The following LINGO2 variants were observed in gnomAD, a reference collection of about 807,000 sequenced individuals.
The protein encoded by LINGO2 is leucine rich repeat and Ig domain containing 2.
Under a neutral mutation model 30.6 loss-of-function variants are expected in LINGO2, and 14 were observed. The ratio of observed to expected loss-of-function variants is 0.46; its 90% CI spans 0.30 to 0.72. The LOEUF (loss-of-function observed/expected upper bound fraction) is 0.72. Among genes scored for constraint, LINGO2 ranks in the 30% least tolerant of loss-of-function variants. The probability of loss-of-function intolerance (pLI) is 0.07; values close to 1 mark genes in which losing one functional copy is unlikely to be tolerated. For missense variants in LINGO2, 729 were observed against 751.7 expected, an observed-to-expected ratio of 0.97 and a Z score of 0.35; for synonymous variants, 317 against 288.5, an observed-to-expected ratio of 1.10 and a Z score of -1.00.
the LINGO2 span, among the ~76,000 whole-genome samples, chr9:28,953,023 A>G: frequency 6.6e-6 from 1 of 152,204 alleles, no homozygotes; most frequent in Non-Finnish European, 1.5e-5. Flanking sequence ...TTTACTGGGT[A>G]TAGAAATTAC....
intron 4 of LINGO2, among the ~76,000 whole-genome samples, chr9:28,139,133 G>C (rs1007113267): frequency 1.3e-5 from 2 of 152,170 alleles, no homozygotes; most frequent in African/African-American, 4.8e-5. Context: ...AGTGAAGAGA[G>C]AGAGCCACAG....
intron 2 of LINGO2, among the ~76,000 whole-genome samples, chr9:28,379,759 A>C (rs1167675817): frequency 6.6e-6 from 1 of 152,142 alleles, no homozygotes; most frequent in Non-Finnish European, 1.5e-5. Context: ...TTAGTTGAAG[A>C]TACCACATTT....
chr9:29,044,297 T>A, the LINGO2 span, among the ~76,000 whole-genome samples: 2 of 152,006 alleles, frequency 1.3e-5, no homozygotes, highest in Admixed American at 6.6e-5. Context: ...GGTACAGGCA[T>A]AAACTCCAGA....
intron 1 of LINGO2, among the ~76,000 whole-genome samples, chr9:28,642,482 C>G (rs1827638347): frequency 6.6e-6 from 1 of 152,066 alleles, no homozygotes. Context: ...TTGAAACAAG[C>G]ATGACAATTA....
the LINGO2 span, among the ~76,000 whole-genome samples, chr9:28,749,297 G>A: frequency 6.6e-5 from 10 of 151,860 alleles, no homozygotes; most frequent in African/African-American, 2.4e-4. Flanking sequence ...CTTTTACATT[G>A]TATCTTATGA....
the LINGO2 span, among the ~76,000 whole-genome samples, chr9:29,006,633 TC>T: frequency 2.6e-5 from 4 of 152,094 alleles, no homozygotes; most frequent in South Asian, 8.3e-4. Flanking sequence ...TCAGTTGTTT[TC>T]CTTTTTTCTT....
chr9:27,999,332 A>C (rs1821825460), intron 5 of LINGO2, among the ~76,000 whole-genome samples: 1 of 152,110 alleles, frequency 6.6e-6, no homozygotes, highest in Non-Finnish European at 1.5e-5. Context: ...GGTGGAAAAG[A>C]GAAAGATATG....
the LINGO2 span, among the ~76,000 whole-genome samples, chr9:28,745,776 G>A: frequency 1.3e-5 from 2 of 151,964 alleles, no homozygotes; most frequent in African/African-American, 4.8e-5. Context: ...GAAGGTAAGA[G>A]AATATGGCTT....
At chr9:28,223,320 A>G (rs536674906) in intron 4 of LINGO2, among the ~76,000 whole-genome samples, 1 of 152,234 alleles carries the variant, frequency 6.6e-6, no homozygotes, top group Non-Finnish European at 1.5e-5. Flanking sequence ...CATCCTCTGG[A>G]GGGGAGGAAT....
chr9:27,976,477 T>C (rs551857915), intron 5 of LINGO2, among the ~76,000 whole-genome samples: 1 of 152,196 alleles, frequency 6.6e-6, no homozygotes, highest in East Asian at 1.9e-4. Context: ...AATTAAAAAA[T>C]AGCTATAATT....
At chr9:28,029,176 C>G (rs1258152484) in intron 4 of LINGO2, among the ~76,000 whole-genome samples, 2 of 151,772 alleles carry the variant, frequency 1.3e-5, no homozygotes, top group Admixed American at 6.6e-5. Context: ...CTTTAAGAAG[C>G]CAAGTGATAA....
chr9:28,624,319 C>T (rs1826552161), intron 1 of LINGO2, among the ~76,000 whole-genome samples: 1 of 151,836 alleles, frequency 6.6e-6, no homozygotes, highest in African/African-American at 2.4e-5. Context: ...CTGTCATGTA[C>T]AGCTTTTTTT....
At chr9:28,093,092 T>C (rs1393200057) in intron 4 of LINGO2, among the ~76,000 whole-genome samples, 1 of 152,012 alleles carries the variant, frequency 6.6e-6, no homozygotes, top group Non-Finnish European at 1.5e-5. Context: ...TAAGTACATG[T>C]TTTTTATCTC....
chr9:28,133,078 A>G (rs1267855407), intron 4 of LINGO2, among the ~76,000 whole-genome samples: 1 of 73,558 alleles, frequency 1.4e-5, no homozygotes, highest in Admixed American at 1.1e-4. Context: ...GCCTTTGCCT[A>G]TTATATCAAA....
chr9:28,366,141 G>A (rs532962480), intron 3 of LINGO2, among the ~76,000 whole-genome samples: 5 of 152,168 alleles, frequency 3.3e-5, no homozygotes, highest in South Asian at 4.1e-4. Flanking sequence ...TCTAACCTCC[G>A]TTGCTACCAT....
intron 5 of LINGO2, among the ~76,000 whole-genome samples, chr9:27,985,883 AC>A (rs1821100657): frequency 2.6e-5 from 4 of 151,856 alleles, no homozygotes; most frequent in Admixed American, 2.6e-4. Context: ...GTAAAATCAA[AC>A]GGAACTTGTT....
the LINGO2 span, among the ~76,000 whole-genome samples, chr9:29,187,653 A>C: frequency 6.6e-6 from 1 of 152,180 alleles, no homozygotes; most frequent in East Asian, 1.9e-4. Context: ...AAATACATCA[A>C]ATCTATTTTC....
chr9:28,464,161 C>G (rs187482676), intron 2 of LINGO2, among the ~76,000 whole-genome samples: 2 of 152,216 alleles, frequency 1.3e-5, no homozygotes, highest in Non-Finnish European at 2.9e-5. Flanking sequence ...TCAATATTTT[C>G]CCATGTAATT....
chr9:28,844,634 C>T, the LINGO2 span, among the ~76,000 whole-genome samples: 31 of 151,902 alleles, frequency 2.0e-4, 1 homozygote, highest in African/African-American at 7.0e-4. Context: ...GAAAAACTTA[C>T]ATCGCAGGGA....
Sources: allele counts gnomAD v4.1 joint callset (sites outside exome capture counted in the v4.1 genomes callset), GRCh38; gene constraint gnomAD v4.1.1; transcripts MANE v1.5; gene names NCBI Gene and HGNC (gene_info 2026-07-23, HGNC 2026-07-21).